The following DDR1 variants were observed in gnomAD, a reference collection of about 807,000 sequenced individuals.
The protein encoded by DDR1 is discoidin domain receptor tyrosine kinase 1.
In DDR1, 64 loss-of-function variants were observed where a neutral mutation model predicts 97.4. The ratio of observed to expected loss-of-function variants is 0.66; its 90% CI spans 0.54 to 0.81. The LOEUF is 0.81. Among genes scored for constraint, DDR1 ranks in the 30% least tolerant of loss-of-function variants. The probability of loss-of-function intolerance (pLI) is 0.00; values close to 1 mark genes in which losing one functional copy is unlikely to be tolerated. For synonymous variants in DDR1, 458 were observed against 503.7 expected (o/e 0.91, Z 1.21); for missense variants, 990 against 1,259.6 (o/e 0.79, Z 3.24).
intron 10 of DDR1, 123 bp downstream of exon 10, chr6:30,893,546 C>A (rs909420953): frequency 1.1e-5 from 16 of 1,446,872 alleles, no homozygotes; most frequent in Non-Finnish European, 1.3e-5. Context: ...AGTAAAGAGA[C>A]CACTTACACC....
At chr6:30,893,196 T>G in intron 9 of DDR1, 33 bp downstream of exon 9, 1 of 1,598,858 alleles carries the variant, frequency 6.3e-7, no homozygotes, top group Non-Finnish European at 8.5e-7. Flanking sequence ...GTGGACCCTC[T>G]GCACCCTTCT....
chr6:30,896,767 C>T lies in DDR1; in HGVS notation c.1771C>T (p.Leu591=), dbSNP rs144256452. The part of the protein sequence containing the change: ...TGGNTYAVPA[L]PPGAVGDGPP... ...GGGCAACACCTATGCTGTGCCTGCA[C>T]TGCCCCCAGGGGCAGTCGGGGATGG... Residue 591 remains leucine (L), a synonymous_variant, in exon 13 of 18, where the codon CTG becomes TTG. Coordinates refer to ENST00000376568, the MANE Select transcript of DDR1 (RefSeq NM_001297654.2). The T allele has an allele frequency of 1.5e-5, 24 of 1,588,022 alleles. No homozygotes were observed. The highest frequency in any genetic ancestry group is 2.0e-5 in the Non-Finnish European group (23 of 1,165,808).
At position 30,899,675 on chromosome 6, in the gene DDR1, G is replaced by C. The variant is rs2855541; in HGVS notation, c.*379G>C. 1.4e-5 allele frequency: 5 copies of C among 369,534 alleles called. No individual in the cohort carries two copies. The highest frequency in any genetic ancestry group is 2.0e-5 in the African/African-American group (1 of 49,340). The allele number at this position is 369,534 out of a possible 1,614,324, so 22.9% of individuals were successfully genotyped here. ...CCACTGGACAACACTGATTCCTGGA[G>C]AGGTGGCTGCGCCCCCAGCTTCTCT... is the stretch of plus-strand genomic sequence containing the variant. On this transcript the variant is annotated 3_prime_UTR_variant, in exon 18 of 18. Transcript: ENST00000376568.
chr6:30,894,468 T>C lies in DDR1; in HGVS notation c.1348-38T>C. On this transcript the variant is annotated intron_variant, in intron 10 of 17. Transcript: ENST00000376568. The surrounding 1 kb of genome is among the most constrained non-coding windows in gnomAD (Gnocchi z 5.7). ...CAGCAGAGGGCCAGGCCGTGTGTGC[T>C]GAGCAACACGGGTGATGCCTCCCAT... The C allele has an allele frequency of 6.4e-7, 1 of 1,568,530 alleles. No homozygotes were observed. The highest frequency in any genetic ancestry group is 8.7e-7 in the Non-Finnish European group (1 of 1,154,298).
rs756626283 is a variant in DDR1 at position 30,892,485 on chromosome 6, T to A, written c.1042T>A (p.Cys348Ser). ...LGGRVARFLQ[C>S]RFLFAGPWLL... ...CGGCCGTGTGGCTCGCTTTCTGCAG[T>A]GCCGCTTCCTCTTTGCGGGGCCCTG... The change falls in exon 8 of 18, where the codon TGC (cysteine) becomes AGC (serine). Residue 348 changes from cysteine (C) to serine (S), a missense_variant. Cys to Ser is a moderately radical substitution (Grantham distance 112, BLOSUM62 -1). Coordinates refer to ENST00000376568, the MANE Select transcript of DDR1 (RefSeq NM_001297654.2). 78 of 1,610,592 alleles carry A rather than the reference T, an allele frequency of 4.8e-5. No homozygotes were observed. The highest frequency in any genetic ancestry group is 6.4e-5 in the Non-Finnish European group (76 of 1,179,196).
chr6:30,885,345 G>A, intron 1 of DDR1: 1 of 1,310,078 alleles, frequency 7.6e-7, no homozygotes, highest in Non-Finnish European at 1.1e-6. Context: ...CTGTTGCTGA[G>A]GGCCTGTAGG....
intron 12 of DDR1, 40 bp downstream of exon 12, chr6:30,895,554 A>C: frequency 7.7e-7 from 1 of 1,294,974 alleles, no homozygotes; most frequent in Non-Finnish European, 1.1e-6. Context: ...GGCTCCCCAT[A>C]CCTCTACTGG....
Position 30,894,506 on chromosome 6 carries a change from G to A in DDR1, c.1348G>A (p.Ala450Thr). 1.9e-6 allele frequency: 3 copies of A among 1,606,724 alleles called. No individual in the cohort carries two copies. The highest frequency in any genetic ancestry group is 2.6e-6 in the Non-Finnish European group (3 of 1,176,078). The change falls in exon 11 of 18, where the codon GCT becomes ACT. Residue 450 changes from alanine (A) to threonine (T), a missense_variant and splice_region_variant. By Grantham distance (58) the Ala-to-Thr change is moderately conservative. Transcript: ENST00000376568. The surrounding 1 kb of genome is among the most constrained non-coding windows in gnomAD (Gnocchi z 5.7). ...RLHWRRLLSK[A>T]ERRVLEEELT... is the part of the protein sequence containing the mutation. ...TGATGCCTCCCATCCCTATGACAAG[G>A]CTGAACGGAGGGTGTTGGAAGAGGA... is the stretch of plus-strand genomic sequence containing the variant.
chr6:30,888,585 G>T lies in DDR1; in HGVS notation c.-42-103G>T, dbSNP rs1209346536. 16 of 1,291,416 alleles carry T rather than the reference G, an allele frequency of 1.2e-5. No individual in the cohort carries two copies. The highest frequency in any genetic ancestry group is 1.7e-5 in the Non-Finnish European group (16 of 948,114). 80.0% of individuals were successfully genotyped at this position (1,291,416 alleles called of 1,614,324 possible). ...CTGTTAAACAATGACTGTTGTTGTT[G>T]TTTTACTGTTATTATCCCCAAAGCG... is the stretch of plus-strand genomic sequence containing the variant. On this transcript the variant is annotated intron_variant, in intron 1 of 17. Transcript: ENST00000376568. The surrounding 1 kb of genome is among the most constrained non-coding windows in gnomAD (Gnocchi z 4.2).
chr6:30,887,633 C>T (rs994552388), intron 1 of DDR1, among the ~76,000 whole-genome samples: 18 of 152,214 alleles, frequency 1.2e-4, no homozygotes, highest in Admixed American at 1.1e-3. Flanking sequence ...CTTTTCATAG[C>T]TGCATAGTAG....
At chr6:30,893,452 C>T (rs780874884) in intron 10 of DDR1, 29 bp downstream of exon 10, 10 of 1,582,976 alleles carry the variant, frequency 6.3e-6, no homozygotes, top group South Asian at 4.5e-5. Context: ...TGTGGAGTGG[C>T]GGGGGGAGGC....
Position 30,895,480 on chromosome 6 carries a change from C to A in DDR1, c.1590C>A (p.Pro530=), listed in dbSNP as rs749479553. The change falls in exon 12 of 18, where the codon CCC becomes CCA. Residue 530 remains proline (P), a synonymous_variant. Coordinates refer to ENST00000376568, the MANE Select transcript of DDR1 (RefSeq NM_001297654.2). ...YARPPRGPGP[P]TPAWAKPTNT... ...GTCCCCCTCGAGGCCCGGGCCCCCC[C>A]ACACCCGCCTGGGCCAAACCCACCA... 4.4e-6 allele frequency: 7 copies of A among 1,605,080 alleles called. No homozygotes were observed. The highest frequency in any genetic ancestry group is 2.2e-5 in the South Asian group (2 of 90,408).
In DDR1 at chr6:30,899,673, G is replaced by T; in HGVS notation, c.*377G>T. On this transcript the variant is annotated 3_prime_UTR_variant, in exon 18 of 18. Transcript: ENST00000376568. ...CCCCACTGGACAACACTGATTCCTG[G>T]AGAGGTGGCTGCGCCCCCAGCTTCT... The T allele has an allele frequency of 2.7e-6, 1 of 372,188 alleles. No individual in the cohort carries two copies. Among genetic ancestry groups the T allele is most frequent in the East Asian group, 4.6e-5 (1 of 21,834 alleles). 23.1% of individuals were successfully genotyped at this position (372,188 alleles called of 1,614,324 possible). A position where few individuals can be genotyped will look rare whatever the true frequency, so the allele number is the denominator to read the frequency against.
intron 12 of DDR1, 151 bp downstream of exon 12, chr6:30,895,665 C>T: frequency 1.9e-6 from 1 of 520,184 alleles, no homozygotes; most frequent in East Asian, 3.3e-5. Flanking sequence ...GCCCTTAGCT[C>T]ATCTCTGCTG....
At position 30,885,378 on chromosome 6, in the gene DDR1, G is replaced by C. The variant is rs1012865752; in HGVS notation, c.-43+668G>C. On this transcript the variant is annotated intron_variant, in intron 1 of 17. Transcript: ENST00000376568. ...AGGTGTGTCCAGGACTGAGTGGTGT[G>C]GTGGAGACAGGTGAAAGGGGAGTGA... 7.6e-5 allele frequency: 75 copies of C among 992,038 alleles called. No homozygotes were observed. The East Asian group carries it at 1.6e-3, about 21-fold the overall frequency. 61.5% of individuals were successfully genotyped at this position (992,038 alleles called of 1,614,324 possible). A position where few individuals can be genotyped will look rare whatever the true frequency, so the allele number is the denominator to read the frequency against.
chr6:30,885,365 G>T, intron 1 of DDR1: 1 of 1,135,636 alleles, frequency 8.8e-7, no homozygotes, highest in Non-Finnish European at 1.2e-6. Context: ...GTGTGTCCAG[G>T]ACTGAGTGGT....
chr6:30,897,580 G>T lies in DDR1; in HGVS notation c.2199G>T (p.Ala733=), dbSNP rs148278902. Residue 733 remains alanine, a synonymous_variant, in exon 15 of 18, where the codon GCG becomes GCT. Transcript: ENST00000376568. The surrounding 1 kb of genome is among the most constrained non-coding windows in gnomAD (Gnocchi z 5.2). ...GGGCCCCTGGGGACGGGCAGGCTGC[G>T]CAGGGGCCCACCATCAGGTACCTGC... is the stretch of plus-strand genomic sequence containing the variant. ...AEGAPGDGQA[A]QGPTISYPML... 2 of 1,611,448 alleles carry T rather than the reference G, an allele frequency of 1.2e-6. No homozygotes were observed. The highest frequency in any genetic ancestry group is 2.2e-5 in the East Asian group (1 of 44,848).
upstream of DDR1, chr6:30,881,355 C>G (rs1240182098): frequency 1.3e-5 from 2 of 152,392 alleles, no homozygotes; most frequent in Non-Finnish European, 2.9e-5. Flanking sequence ...AAAGGGGGAC[C>G]GTTGTCCAGA....
chr6:30,881,533 C>T (rs1784330243), upstream of DDR1, among the ~76,000 whole-genome samples: 2 of 152,188 alleles, frequency 1.3e-5, no homozygotes, highest in Admixed American at 1.3e-4. Context: ...CCAGCCCCTT[C>T]TTCCCTTGTC....
Sources: gnomAD v4.1 joint callset for allele counts (sites outside exome capture counted in the v4.1 genomes callset) on GRCh38, gnomAD v4.1.1 for gene constraint, Gnocchi (gnomAD v3.1) non-coding constraint, MANE v1.5 for transcripts, NCBI Gene and HGNC (gene_info 2026-07-23, HGNC 2026-07-21) for gene names.